SPTBN2: variants seen among roughly 807,000 people sequenced by gnomAD.
The protein encoded by SPTBN2 is spectrin beta, non-erythrocytic 2, also known as spectrin beta chain, non-erythrocytic 2.
A neutral mutation model predicts 284.2 loss-of-function variants in SPTBN2; 107 were observed. The ratio of observed to expected loss-of-function variants is 0.38; its 90% CI spans 0.32 to 0.44. The LOEUF (loss-of-function observed/expected upper bound fraction) is 0.44, where lower values mean the gene tolerates loss of function less well. Among genes scored for constraint, SPTBN2 ranks in the 20% least tolerant of loss-of-function variants. SPTBN2 has a pLI of 1.00. For synonymous variants in SPTBN2, 1,289 were observed against 1,354.8 expected (o/e 0.95, Z 1.07); for missense variants, 2,569 against 3,287.1 (o/e 0.78, Z 5.34).
intron 1 of SPTBN2, among the ~76,000 whole-genome samples, chr11:66,724,404 CAG>C (rs1411251918): frequency 6.6e-6 from 1 of 151,672 alleles, no homozygotes; most frequent in Non-Finnish European, 1.5e-5. Context: ...GCCTGGATGA[CAG>C]AGTGAAATTT....
In SPTBN2 at chr11:66,693,951, CG is replaced by C. The variant is rs1339982854; in HGVS notation, c.4504-91del. The C allele has an allele frequency of 5.3e-5, 73 of 1,376,444 alleles. No individual in the cohort carries two copies. In the East Asian group the frequency reaches 1.7e-3, roughly 32 times the overall value. The allele number at this position is 1,376,444 out of a possible 1,614,324, so 85.3% of individuals were successfully genotyped here. On this transcript the variant is annotated intron_variant, in intron 22 of 37. Coordinates refer to ENST00000533211, the MANE Select transcript of SPTBN2 (RefSeq NM_006946.4). The surrounding 1 kb of genome is among the most constrained non-coding windows in gnomAD (Gnocchi z 5.7). ...TGGGAGTGGGGACACCTGGGGCTAC[CG>C]CCCTGTGTGTGGGGAACAGTCATCT...
Position 66,693,115 on chromosome 11 carries a change from A to G in SPTBN2, c.4855-15T>C. On this transcript the variant is annotated splice_polypyrimidine_tract_variant and intron_variant, in intron 24 of 37. Coordinates refer to ENST00000533211, the MANE Select transcript of SPTBN2 (RefSeq NM_006946.4). The surrounding 1 kb of genome is among the most constrained non-coding windows in gnomAD (Gnocchi z 5.7). The stretch of plus-strand genomic sequence containing the variant: ...CTCAGCTCATCCTGGGGGAAGGGAC[A>G]GTGGCATCCAGCATCAGGTCAGGGG... The G allele has an allele frequency of 6.2e-7, 1 of 1,614,212 alleles. No individual in the cohort carries two copies. The highest frequency in any genetic ancestry group is 8.5e-7 in the Non-Finnish European group (1 of 1,180,030).
In SPTBN2 at chr11:66,707,927, G is replaced by A; in HGVS notation, c.1351-109C>T. On this transcript the variant is annotated intron_variant, in intron 12 of 37. Transcript: ENST00000533211. The surrounding 1 kb of genome is among the most constrained non-coding windows in gnomAD (Gnocchi z 4.9). Reference sequence around the variant, plus strand: ...TGCAAGATCCCAGCTCCATGCGGTGGCTCTAAGTTCCCTCTCTATCCCACC... The same window carrying A: ...TGCAAGATCCCAGCTCCATGCGGTGACTCTAAGTTCCCTCTCTATCCCACC... 1 of 1,456,958 alleles carries A rather than the reference G, an allele frequency of 6.9e-7. No homozygotes were observed. The highest frequency in any genetic ancestry group is 1.9e-5 in the Admixed American group (1 of 52,760). The allele number at this position is 1,456,958 out of a possible 1,614,324, so 90.3% of individuals were successfully genotyped here.
At chr11:66,704,215 G>C (rs560805684) in intron 15 of SPTBN2, among the ~76,000 whole-genome samples, 1 of 151,694 alleles carries the variant, frequency 6.6e-6, no homozygotes, top group African/African-American at 2.4e-5. Flanking sequence ...CTCGTGATCC[G>C]CCTGCCTCGG....
chr11:66,744,533 C>G, intron 1 of SPTBN2: 1 of 197,296 alleles, frequency 5.1e-6, no homozygotes, highest in Non-Finnish European at 1.0e-5. Flanking sequence ...TGGCCTCATT[C>G]CCGCTCACCT....
chr11:66,725,256 T>G (rs1942575270), intron 1 of SPTBN2, among the ~76,000 whole-genome samples: 1 of 152,216 alleles, frequency 6.6e-6, no homozygotes, highest in South Asian at 2.1e-4. Flanking sequence ...TGGTGCTCTC[T>G]GGCATTGTTC....
chr11:66,741,640 A>G (rs1441510495), intron 1 of SPTBN2, among the ~76,000 whole-genome samples: 3 of 152,212 alleles, frequency 2.0e-5, no homozygotes, highest in African/African-American at 7.2e-5. Context: ...ATCGAGAGCC[A>G]TACTCAAAGC....
In SPTBN2 at chr11:66,693,163, C is replaced by T. The variant is rs765902548; in HGVS notation, c.4854+23G>A. 8 of 1,614,120 alleles carry T rather than the reference C, an allele frequency of 5.0e-6. No individual in the cohort carries two copies. In the East Asian group the frequency reaches 1.6e-4, roughly 31 times the overall value. ...GGGAGGGCAGAACTGGTCACATACA[C>T]TGGGCTCTGTCCTGGCCCTCACCTT... On this transcript the variant is annotated intron_variant, in intron 24 of 37. Transcript: ENST00000533211. This position sits in a 1 kb window ranked among gnomAD's most constrained non-coding sequence, Gnocchi z 5.7.
chr11:66,694,890 T>G (rs1565121984), intron 21 of SPTBN2, among the ~76,000 whole-genome samples: 1 of 152,176 alleles, frequency 6.6e-6, no homozygotes, highest in Non-Finnish European at 1.5e-5. Context: ...ATTCCACGGT[T>G]CCAAGGTGCT....
At position 66,710,800 on chromosome 11, in the gene SPTBN2, C is replaced by T. The variant is rs762694904; in HGVS notation, c.886-31G>A. On this transcript the variant is annotated intron_variant, in intron 9 of 37. Coordinates refer to ENST00000533211, the MANE Select transcript of SPTBN2 (RefSeq NM_006946.4). The surrounding 1 kb of genome is among the most constrained non-coding windows in gnomAD (Gnocchi z 4.9). The stretch of plus-strand genomic sequence containing the variant: ...AGGCAGAAGACAGGGACGTGACAGT[C>T]CCAGCCACAGGGTCCCTGGCCCAGT... 1 of 1,613,244 alleles carries T rather than the reference C, an allele frequency of 6.2e-7. No individual in the cohort carries two copies. Among genetic ancestry groups the T allele is most frequent in the South Asian group, 1.1e-5 (1 of 91,036 alleles).
rs758879067 is a variant in SPTBN2 at position 66,693,764 on chromosome 11, T to C, written c.4593+8A>G. 15 of 1,610,976 alleles carry C rather than the reference T, an allele frequency of 9.3e-6. No homozygotes were observed. Among genetic ancestry groups the C allele is most frequent in the Non-Finnish European group, 1.2e-5 (14 of 1,178,732 alleles). ...GAACTTCTCTTTTGCCTTCAGCCTC[T>C]GCCTCACCTGGTTTTTCTTCATGAG... On this transcript the variant is annotated splice_region_variant and intron_variant, in intron 23 of 37. Coordinates refer to ENST00000533211, the MANE Select transcript of SPTBN2 (RefSeq NM_006946.4). The surrounding 1 kb of genome is among the most constrained non-coding windows in gnomAD (Gnocchi z 5.7).
chr11:66,731,893 G>A (rs1041104751), upstream of SPTBN2, among the ~76,000 whole-genome samples: 2 of 152,218 alleles, frequency 1.3e-5, no homozygotes, highest in African/African-American at 4.8e-5. Flanking sequence ...GGAAGAGCCT[G>A]TGGTGGGATT....
intron 20 of SPTBN2, among the ~76,000 whole-genome samples, chr11:66,697,209 A>G (rs1197676632): frequency 6.6e-6 from 1 of 152,012 alleles, no homozygotes; most frequent in Admixed American, 6.6e-5. Flanking sequence ...AACTGGCATG[A>G]CTTCTGTCCC....
rs763668172 is a variant in SPTBN2 at position 66,687,657 on chromosome 11, A to G, written c.6502-10T>C. On this transcript the variant is annotated splice_polypyrimidine_tract_variant and intron_variant, in intron 34 of 37. Coordinates refer to ENST00000533211, the MANE Select transcript of SPTBN2 (RefSeq NM_006946.4). The surrounding 1 kb of genome is among the most constrained non-coding windows in gnomAD (Gnocchi z 5.2). The stretch of plus-strand genomic sequence containing the variant: ...CCCCTGAGCCAGGTCCCTGGGGGGG[A>G]ATCAGTGTCAGTGTCAAAGGTTGAG... The G allele has an allele frequency of 1.3e-6, 2 of 1,584,504 alleles. No homozygotes were observed. Among genetic ancestry groups the G allele is most frequent in the Non-Finnish European group, 1.7e-6 (2 of 1,165,540 alleles).
Position 66,710,804 on chromosome 11 carries a change from G to A in SPTBN2, c.886-35C>T, listed in dbSNP as rs1941820314. ...AGAAGACAGGGACGTGACAGTCCCAGCCACAGGGTCCCTGGCCCAGTCCTG... is the reference window on the plus strand; with the variant it reads ...AGAAGACAGGGACGTGACAGTCCCAACCACAGGGTCCCTGGCCCAGTCCTG... On this transcript the variant is annotated intron_variant, in intron 9 of 37. Transcript: ENST00000533211. This position sits in a 1 kb window ranked among gnomAD's most constrained non-coding sequence, Gnocchi z 4.9. 1.2e-6 allele frequency: 2 copies of A among 1,612,930 alleles called. No homozygotes were observed. Among genetic ancestry groups the A allele is most frequent in the Non-Finnish European group, 1.7e-6 (2 of 1,179,862 alleles).
Position 66,704,641 on chromosome 11 carries a change from C to T in SPTBN2, c.2635G>A (p.Ala879Thr). 8.7e-6 allele frequency: 14 copies of T among 1,612,158 alleles called. No individual in the cohort carries two copies. The highest frequency in any genetic ancestry group is 1.1e-5 in the Non-Finnish European group (13 of 1,179,668). Reference protein sequence around the residue: ...EEKEQWLNGLALPERLEDLEV... With the variant: ...EEKEQWLNGLTLPERLEDLEV... ...AGGTCCTCCAGGCGTTCAGGCAGGG[C>T]CAGCCCGTTGAGCCACTGCTCCTTC... is the stretch of plus-strand genomic sequence containing the variant. The change falls in exon 15 of 38, where the codon GCC becomes ACC. Residue 879 changes from alanine to threonine, a missense_variant. Transcript: ENST00000533211.
chr11:66,693,982 T>C lies in SPTBN2; in HGVS notation c.4504-121A>G. 1 of 1,302,970 alleles carries C rather than the reference T, an allele frequency of 7.7e-7. No individual in the cohort carries two copies. Among genetic ancestry groups the C allele is most frequent in the Non-Finnish European group, 1.1e-6 (1 of 930,282 alleles). 80.7% of individuals were successfully genotyped at this position (1,302,970 alleles called of 1,614,324 possible). ...GTGTGTGGGGAACAGTCATCTCTGGTTCTGGGAGGCATCTCCAAGTCTCCC... is the reference window on the plus strand; with the variant it reads ...GTGTGTGGGGAACAGTCATCTCTGGCTCTGGGAGGCATCTCCAAGTCTCCC... On this transcript the variant is annotated intron_variant, in intron 22 of 37. Transcript: ENST00000533211. This position sits in a 1 kb window ranked among gnomAD's most constrained non-coding sequence, Gnocchi z 5.7.
chr11:66,729,926 C>T (rs1218414212), upstream of SPTBN2, among the ~76,000 whole-genome samples: 3 of 152,058 alleles, frequency 2.0e-5, no homozygotes, highest in Non-Finnish European at 1.5e-5. Flanking sequence ...CTCAGCCTCC[C>T]GAGTAGCTGG....
In SPTBN2 at chr11:66,683,136, C is replaced by T. The variant is rs1939894886; in HGVS notation, c.*2735G>A. Among the ~76,000 whole-genome samples, 2 of 134,380 alleles carry T rather than the reference C, an allele frequency of 1.5e-5. No individual in the cohort carries two copies. The highest frequency in any genetic ancestry group is 8.8e-5 in the Admixed American group (1 of 11,310). The allele number at this position is 134,380 out of a possible 152,430, so 88.2% of individuals were successfully genotyped here. A position where few individuals can be genotyped will look rare whatever the true frequency, so the allele number is the denominator to read the frequency against. On this transcript the variant is annotated 3_prime_UTR_variant, in exon 38 of 38. Transcript: ENST00000533211. The stretch of plus-strand genomic sequence containing the variant: ...AGGCTGGAGCGCAGTGGCGGCATCT[C>T]GGCTCACTGCAAGCTCCGCCTCCCG...
Sources: allele counts gnomAD v4.1 joint callset (sites outside exome capture counted in the v4.1 genomes callset), GRCh38; gene constraint gnomAD v4.1.1; non-coding constraint Gnocchi (gnomAD v3.1); transcripts MANE v1.5; gene names NCBI Gene and HGNC (gene_info 2026-07-23, HGNC 2026-07-21).